The following SGCZ variants were observed in gnomAD, a reference collection of about 807,000 sequenced individuals.
SGCZ encodes the protein zeta-sarcoglycan.
SGCZ carries 40 observed loss-of-function variants against 41.3 expected under a neutral mutation model. The ratio of observed to expected loss-of-function variants is 0.97; its 90% CI spans 0.75 to 1.26. The LOEUF (loss-of-function observed/expected upper bound fraction) is 1.26. SGCZ is among the 50% of genes most tolerant of loss of function. The pLI, the probability that SGCZ is intolerant of heterozygous loss-of-function variation, is 0.00. For missense variants in SGCZ, 552 were observed against 369.8 expected (o/e 1.49, Z -4.04); for synonymous variants, 206 against 137.5 (o/e 1.50, Z -3.49).
intron 1 of SGCZ, among the ~76,000 whole-genome samples, chr8:14,787,782 A>T (rs150969739): frequency 1.3e-5 from 2 of 152,104 alleles, no homozygotes; most frequent in Non-Finnish European, 2.9e-5. Flanking sequence ...GGATGCGGAG[A>T]TTGCGGTGAC....
At chr8:14,124,625 G>A (rs1279122892) in intron 5 of SGCZ, among the ~76,000 whole-genome samples, 2 of 152,090 alleles carry the variant, frequency 1.3e-5, no homozygotes, top group Non-Finnish European at 2.9e-5. Flanking sequence ...GACATTGTTA[G>A]GCATATCTTA....
intron 1 of SGCZ, among the ~76,000 whole-genome samples, chr8:14,811,083 T>C (rs539265145): frequency 4.2e-4 from 64 of 152,056 alleles, no homozygotes; most frequent in Admixed American, 1.6e-3. Context: ...ATAAAAAAAG[T>C]TTTTAAAAAC....
intron 1 of SGCZ, among the ~76,000 whole-genome samples, chr8:14,733,464 T>G (rs77104445): frequency 6.6e-6 from 1 of 152,216 alleles, no homozygotes; most frequent in African/African-American, 2.4e-5. Flanking sequence ...CCGGCATTCA[T>G]GTCCATATCT....
Position 14,913,749 on chromosome 8 carries a change from G to A in SGCZ, c.39+323836C>T, listed in dbSNP as rs536673433. On this transcript the variant is annotated intron_variant, in intron 1 of 7. Coordinates refer to ENST00000382080, the MANE Select transcript of SGCZ (RefSeq NM_139167.4). ...CATTTAAAAATTTATATAAAAACAGGTTTTGGAAAATTACCAGTCACAAAT... is the reference window on the plus strand; with the variant it reads ...CATTTAAAAATTTATATAAAAACAGATTTTGGAAAATTACCAGTCACAAAT... Among the ~76,000 whole-genome samples, 3 of 151,890 alleles carry A rather than the reference G, an allele frequency of 2.0e-5. No individual in the cohort carries two copies. In the East Asian group the frequency reaches 5.8e-4, roughly 30 times the overall value.
At chr8:14,192,592 T>C (rs762598879) in intron 4 of SGCZ, among the ~76,000 whole-genome samples, 1 of 151,894 alleles carries the variant, frequency 6.6e-6, no homozygotes, top group Non-Finnish European at 1.5e-5. Context: ...ATGCTTATTA[T>C]TAGCTATTTT....
chr8:15,233,916 T>C (rs1227782085), intron 1 of SGCZ, among the ~76,000 whole-genome samples: 1 of 152,194 alleles, frequency 6.6e-6, no homozygotes, highest in East Asian at 1.9e-4. Context: ...TCATGATGTA[T>C]TTTATATTTT....
chr8:14,163,822 A>G (rs959754965), intron 5 of SGCZ, among the ~76,000 whole-genome samples: 1 of 152,120 alleles, frequency 6.6e-6, no homozygotes, highest in Non-Finnish European at 1.5e-5. Context: ...TTCCAAACTC[A>G]AGTTTGGGAA....
intron 5 of SGCZ, among the ~76,000 whole-genome samples, chr8:14,121,530 G>T (rs985233251): frequency 1.3e-5 from 2 of 151,912 alleles, no homozygotes; most frequent in Non-Finnish European, 2.9e-5. Flanking sequence ...ATTATACAGG[G>T]TTTTTTTGGT....
chr8:14,366,965 T>C (rs747771987), intron 2 of SGCZ, among the ~76,000 whole-genome samples: 12 of 152,292 alleles, frequency 7.9e-5, no homozygotes, highest in Non-Finnish European at 1.3e-4. Flanking sequence ...TCATTACTTA[T>C]GCAAATTTCC....
chr8:14,998,540 C>T (rs1802300934), intron 1 of SGCZ, among the ~76,000 whole-genome samples: 1 of 152,160 alleles, frequency 6.6e-6, no homozygotes, highest in Admixed American at 6.5e-5. Context: ...TCTTAAGAAT[C>T]AATCCCATTT....
intron 2 of SGCZ, among the ~76,000 whole-genome samples, chr8:14,541,498 AT>A (rs1335694478): frequency 6.6e-6 from 1 of 152,114 alleles, no homozygotes; most frequent in African/African-American, 2.4e-5. Flanking sequence ...GCTGCATAGT[AT>A]TCCATGGTGA....
At chr8:14,971,785 G>A (rs1446823905) in intron 1 of SGCZ, among the ~76,000 whole-genome samples, 1 of 151,582 alleles carries the variant, frequency 6.6e-6, no homozygotes, top group African/African-American at 2.4e-5. Flanking sequence ...AAGTAGCAGG[G>A]ACCACAGGCG....
intron 1 of SGCZ, among the ~76,000 whole-genome samples, chr8:14,917,726 G>C (rs1333613889): frequency 1.3e-5 from 2 of 151,990 alleles, no homozygotes; most frequent in Admixed American, 1.3e-4. Context: ...GTCTTTCAAA[G>C]CTAGTATTTT....
At chr8:14,638,984 A>ATAC (rs1265866188) in intron 1 of SGCZ, among the ~76,000 whole-genome samples, 1 of 151,692 alleles carries the variant, frequency 6.6e-6, no homozygotes, top group African/African-American at 2.4e-5. Flanking sequence ...TAAGATAATC[A>ATAC]TACTAGAATA....
chr8:14,730,850 C>T (rs1352914280), intron 1 of SGCZ, among the ~76,000 whole-genome samples: 2 of 151,758 alleles, frequency 1.3e-5, no homozygotes, highest in Non-Finnish European at 2.9e-5. Context: ...GCATCTCACA[C>T]CAGTTAGAAT....
chr8:15,088,185 T>C (rs1251944686), intron 1 of SGCZ, among the ~76,000 whole-genome samples: 1 of 152,126 alleles, frequency 6.6e-6, no homozygotes, highest in Non-Finnish European at 1.5e-5. Flanking sequence ...ATTGATTACC[T>C]ATGTTTTACA....
chr8:14,461,478 C>G (rs908858763), intron 2 of SGCZ, among the ~76,000 whole-genome samples: 8 of 152,102 alleles, frequency 5.3e-5, no homozygotes, highest in African/African-American at 1.7e-4. Context: ...TGCAGAATCT[C>G]AGGCTCTATA....
intron 1 of SGCZ, among the ~76,000 whole-genome samples, chr8:14,865,557 G>C (rs973975730): frequency 1.3e-5 from 2 of 152,068 alleles, no homozygotes; most frequent in African/African-American, 4.8e-5. Flanking sequence ...TGGAATGCAG[G>C]TATAAGCATG....
At chr8:14,785,876 A>C (rs1319428629) in intron 1 of SGCZ, among the ~76,000 whole-genome samples, 1 of 151,516 alleles carries the variant, frequency 6.6e-6, no homozygotes, top group African/African-American at 2.4e-5. Context: ...CTAATTGTGG[A>C]AACTTCTATC....
Sources: gnomAD v4.1 joint callset for allele counts (sites outside exome capture counted in the v4.1 genomes callset) on GRCh38, gnomAD v4.1.1 for gene constraint, MANE v1.5 for transcripts, NCBI Gene and HGNC (gene_info 2026-07-23, HGNC 2026-07-21) for gene names.